Variants in ADAM12 observed in about 807,000 individuals in gnomAD.
The protein encoded by ADAM12 is ADAM metallopeptidase domain 12.
In ADAM12, 70 loss-of-function variants were observed where a neutral mutation model predicts 106.4. The ratio of observed to expected loss-of-function variants is 0.66; its 90% CI spans 0.54 to 0.80. The LOEUF is 0.80. Among genes scored for constraint, ADAM12 ranks in the 30% least tolerant of loss-of-function variants. The probability of loss-of-function intolerance (pLI) is 0.00; values close to 1 mark genes in which losing one functional copy is unlikely to be tolerated. For synonymous variants in ADAM12, 420 were observed against 433.5 expected (o/e 0.97, Z 0.39); for missense variants, 1,010 against 1,171.9 (o/e 0.86, Z 2.02).
Position 126,113,705 on chromosome 10 carries a change from T to A in ADAM12, c.604-3865A>T, listed in dbSNP as rs866300026. On this transcript the variant is annotated intron_variant, in intron 6 of 22. Coordinates refer to ENST00000448723, the MANE Select transcript of ADAM12 (RefSeq NM_001288973.2). The stretch of plus-strand genomic sequence containing the variant: ...AAAAAAAAATATATATATATATATA[T>A]ATATATATATATATATATATATATA... Among the ~76,000 whole-genome samples the A allele has an allele frequency of 8.9e-3, 539 of 60,824 alleles. 12 individuals carry two copies. Among genetic ancestry groups the A allele is most frequent in the East Asian group, 0.02 (28 of 1,426 alleles). The allele number at this position is 60,824 out of a possible 152,430, so 39.9% of individuals were successfully genotyped here. A position where few individuals can be genotyped will look rare whatever the true frequency, so the allele number is the denominator to read the frequency against.
intron 5 of ADAM12, among the ~76,000 whole-genome samples, chr10:126,120,896 A>G (rs1357614226): frequency 7.1e-6 from 1 of 139,866 alleles, no homozygotes; most frequent in Non-Finnish European, 1.5e-5. Context: ...ATATAATAAT[A>G]TATATTATAT....
chr10:126,258,664 C>G (rs909378709), intron 3 of ADAM12, among the ~76,000 whole-genome samples: 10 of 152,198 alleles, frequency 6.6e-5, no homozygotes, highest in Non-Finnish European at 1.5e-4. Flanking sequence ...TCGGCCAGAG[C>G]CTCCATGCCA....
At chr10:126,240,262 A>G (rs1958496801) in intron 3 of ADAM12, among the ~76,000 whole-genome samples, 2 of 152,350 alleles carry the variant, frequency 1.3e-5, no homozygotes, top group South Asian at 4.1e-4. Context: ...CCTTTAAAAT[A>G]TTCATTCCAC....
At chr10:126,164,900 A>G (rs970358897) in intron 3 of ADAM12, among the ~76,000 whole-genome samples, 5 of 152,240 alleles carry the variant, frequency 3.3e-5, no homozygotes, top group Non-Finnish European at 7.3e-5. Context: ...GAGGAGAAAA[A>G]TGAAAAAGAA....
intron 2 of ADAM12, among the ~76,000 whole-genome samples, chr10:126,287,175 T>C (rs1959904886): frequency 6.6e-6 from 1 of 152,220 alleles, no homozygotes; most frequent in Non-Finnish European, 1.5e-5. Context: ...GCCTTATTTA[T>C]GCACTGAAAT....
At chr10:126,147,745 A>C (rs1956655929) in intron 4 of ADAM12, among the ~76,000 whole-genome samples, 1 of 152,172 alleles carries the variant, frequency 6.6e-6, no homozygotes, top group African/African-American at 2.4e-5. Flanking sequence ...CCAGATGTTA[A>C]TTATGTTTGT....
chr10:126,228,364 A>T (rs1211261538), intron 3 of ADAM12, among the ~76,000 whole-genome samples: 1 of 152,230 alleles, frequency 6.6e-6, no homozygotes, highest in Admixed American at 6.5e-5. Context: ...AGATCGTTTC[A>T]TATAAGACCA....
intron 11 of ADAM12, among the ~76,000 whole-genome samples, chr10:126,089,223 G>A (rs1955417167): frequency 6.6e-6 from 1 of 152,128 alleles, no homozygotes; most frequent in South Asian, 2.1e-4. Flanking sequence ...TGTGCTCCTT[G>A]GTGGCTCTCT....
chr10:126,341,413 G>C (rs1006333227), intron 1 of ADAM12, among the ~76,000 whole-genome samples: 2 of 152,112 alleles, frequency 1.3e-5, no homozygotes, highest in Admixed American at 6.5e-5. Context: ...ACAGGAATGG[G>C]GTCCAAGGCT....
intron 14 of ADAM12, among the ~76,000 whole-genome samples, chr10:126,061,285 C>T (rs1565023957): frequency 2.0e-5 from 3 of 152,202 alleles, no homozygotes; most frequent in East Asian, 1.9e-4. Context: ...CATAGAACCA[C>T]ATATATTACA....
intron 18 of ADAM12, among the ~76,000 whole-genome samples, chr10:126,040,423 C>A (rs375906057): frequency 3.3e-5 from 5 of 152,226 alleles, no homozygotes; most frequent in African/African-American, 1.2e-4. Flanking sequence ...CACCTGGACC[C>A]TCAGCTGGCT....
rs187158600 is a variant in ADAM12 at position 126,254,508 on chromosome 10, C to A, written c.260+24407G>T. ...GATGCAGTCTTGGCCTCTTCCCCTG[C>A]GGATGCTCTCCTCATCTCCTCTTGC... On this transcript the variant is annotated intron_variant, in intron 3 of 22. Coordinates refer to ENST00000448723, the MANE Select transcript of ADAM12 (RefSeq NM_001288973.2). Among the ~76,000 whole-genome samples, 105 of 152,314 alleles carry A rather than the reference C, an allele frequency of 6.9e-4. 1 individual carries two copies. Among genetic ancestry groups the A allele is most frequent in the Non-Finnish European group, 1.0e-3 (70 of 68,018 alleles).
intron 3 of ADAM12, among the ~76,000 whole-genome samples, chr10:126,238,001 C>T (rs536981026): frequency 2.0e-5 from 3 of 152,144 alleles, no homozygotes; most frequent in Non-Finnish European, 4.4e-5. Flanking sequence ...GTTGGCCCTG[C>T]GATGGTACGG....
intron 12 of ADAM12, among the ~76,000 whole-genome samples, chr10:126,069,267 T>A (rs982836968): frequency 1.3e-5 from 2 of 152,198 alleles, no homozygotes; most frequent in Non-Finnish European, 2.9e-5. Context: ...TACTTGAAAC[T>A]ATTTTTTGAA....
chr10:126,215,310 A>G (rs1028953463), intron 3 of ADAM12, among the ~76,000 whole-genome samples: 3 of 152,210 alleles, frequency 2.0e-5, no homozygotes, highest in African/African-American at 7.2e-5. Context: ...TCCTCGGCAC[A>G]GGGACAATCC....
chr10:126,227,126 A>T (rs1476911776), intron 3 of ADAM12, among the ~76,000 whole-genome samples: 3 of 151,976 alleles, frequency 2.0e-5, no homozygotes, highest in Non-Finnish European at 4.4e-5. Context: ...CACCACCATT[A>T]CCATCACCAT....
In ADAM12 at chr10:126,043,173, T is replaced by C; in HGVS notation, c.1996-25A>G. 1.9e-6 allele frequency: 3 copies of C among 1,608,252 alleles called. No individual in the cohort carries two copies. The South Asian group carries it at 3.3e-5, about 18-fold the overall frequency. On this transcript the variant is annotated intron_variant, in intron 17 of 22. Transcript: ENST00000448723. The surrounding 1 kb of genome is among the most constrained non-coding windows in gnomAD (Gnocchi z 4.1). ...CCTTTCAGGGCAGAGGGGAGGGACG[T>C]GGGGTTAGGGCATATGCTCTGTGCA...
intron 3 of ADAM12, among the ~76,000 whole-genome samples, chr10:126,258,513 A>T (rs1034290509): frequency 6.6e-6 from 1 of 152,090 alleles, no homozygotes; most frequent in Non-Finnish European, 1.5e-5. Flanking sequence ...ACCCATTTCA[A>T]TCCATCCATG....
intron 3 of ADAM12, among the ~76,000 whole-genome samples, chr10:126,209,151 A>C (rs1300849703): frequency 6.6e-6 from 1 of 152,248 alleles, no homozygotes; most frequent in Admixed American, 6.5e-5. Context: ...TCCTATCAAC[A>C]TAGGAGGGAT....
Sources: gnomAD v4.1 joint callset for allele counts (sites outside exome capture counted in the v4.1 genomes callset) on GRCh38, gnomAD v4.1.1 for gene constraint, Gnocchi (gnomAD v3.1) non-coding constraint, MANE v1.5 for transcripts, NCBI Gene and HGNC (gene_info 2026-07-23, HGNC 2026-07-21) for gene names.